CEP135: variants seen among roughly 807,000 people sequenced by gnomAD.
CEP135 encodes centrosomal protein of 135 kDa.
CEP135 carries 142 observed loss-of-function variants against 157.3 expected under a neutral mutation model. The observed-to-expected ratio is 0.90, with a 90% CI of 0.79 to 1.04. CEP135 has a LOEUF of 1.04. Among genes scored for constraint, CEP135 ranks in the 50% least tolerant of loss-of-function variants. CEP135 has a pLI of 0.00. For synonymous variants in CEP135, 396 were observed against 439.8 expected, an observed-to-expected ratio of 0.90 and a Z score of 1.25; for missense variants, 1,317 against 1,309.2, an observed-to-expected ratio of 1.01 and a Z score of -0.09.
rs745627968 is a variant in CEP135 at position 55,980,112 on chromosome 4, G to T, written c.1474-31G>T. 3.2e-6 allele frequency: 5 copies of T among 1,554,630 alleles called. No individual in the cohort carries two copies. In the Admixed American group the frequency reaches 5.4e-5, roughly 17 times the overall value. On this transcript the variant is annotated intron_variant, in intron 11 of 25. Transcript: ENST00000257287. ...ATCCTTGTGACAACCATGTGGTGAT[G>T]ATTATATTTTGTTTTTTAATTATGT...
chr4:55,950,222 C>T (rs1728319695), intron 1 of CEP135, among the ~76,000 whole-genome samples: 1 of 152,144 alleles, frequency 6.6e-6, no homozygotes, highest in Non-Finnish European at 1.5e-5. Context: ...GATGACTGCC[C>T]ACCTACTTTG....
At chr4:56,025,565 C>T (rs892834041) in intron 25 of CEP135, among the ~76,000 whole-genome samples, 1 of 152,036 alleles carries the variant, frequency 6.6e-6, no homozygotes, top group South Asian at 2.1e-4. Flanking sequence ...AGATTGTGGA[C>T]TTTATTCTGT....
chr4:56,033,295 G>T lies in CEP135; in HGVS notation c.*1947G>T, dbSNP rs748641377. ...GTTCTGACCTTTTATAGATGTTTTT[G>T]ATTTTGTTTTAAATAATTTTAAATT... On this transcript the variant is annotated 3_prime_UTR_variant, in exon 26 of 26. Transcript: ENST00000257287. The T allele has an allele frequency of 6.6e-6, 1 of 151,836 alleles. No homozygotes were observed. The highest frequency in any genetic ancestry group is 1.5e-5 in the Non-Finnish European group (1 of 67,894). 9.4% of individuals were successfully genotyped at this position (151,836 alleles called of 1,614,324 possible).
At position 56,018,100 on chromosome 4, in the gene CEP135, A is replaced by C. The variant is rs770287484; in HGVS notation, c.3012+243A>C. Among the ~76,000 whole-genome samples, 22 of 152,032 alleles carry C rather than the reference A, an allele frequency of 1.4e-4. No homozygotes were observed. In the South Asian group the frequency reaches 3.3e-3, roughly 23 times the overall value. On this transcript the variant is annotated intron_variant, in intron 22 of 25. Transcript: ENST00000257287. ...CTCAGGCATCTCAGGATGCCTCAGC[A>C]TCCTGAGTAACTGGGATTGCAGGCA...
chr4:55,987,749 A>G (rs147401472), intron 14 of CEP135, among the ~76,000 whole-genome samples: 313 of 152,334 alleles, frequency 2.1e-3, no homozygotes, highest in African/African-American at 7.3e-3. Context: ...AAGTACTAGA[A>G]GTCATTGGAA....
At chr4:55,985,150 T>C (rs763160257) in intron 13 of CEP135, 131 bp from the exon 14 acceptor site, 4 of 468,678 alleles carry the variant, frequency 8.5e-6, no homozygotes, top group Non-Finnish European at 1.6e-5. Flanking sequence ...TGATTTTCTT[T>C]CTAAAACATT....
Position 55,991,954 on chromosome 4 carries a change from A to AT in CEP135, c.1880dup (p.Leu627PhefsTer4). 1.3e-6 allele frequency: 2 copies of AT among 1,502,386 alleles called. No individual in the cohort carries two copies. The allele number at this position is 1,502,386 out of a possible 1,614,324, so 93.1% of individuals were successfully genotyped here. Reference sequence around the variant, plus strand: ...TATAGCTTGAAAGCGAAAAATATGAATTAAAGTCTAAAGTGTTAATAATGA... The same window carrying AT: ...TATAGCTTGAAAGCGAAAAATATGAATTTAAAGTCTAAAGTGTTAATAATGA... On this transcript the variant is annotated frameshift_variant, in exon 15 of 26. Coordinates refer to ENST00000257287, the MANE Select transcript of CEP135 (RefSeq NM_025009.5). LOFTEE classifies it high-confidence loss of function.
chr4:56,011,478 T>C lies in CEP135; in HGVS notation c.2572T>C (p.Tyr858His). 3 of 1,611,636 alleles carry C rather than the reference T, an allele frequency of 1.9e-6. No individual in the cohort carries two copies. Among genetic ancestry groups the C allele is most frequent in the Non-Finnish European group, 2.5e-6 (3 of 1,179,430 alleles). ...KEEMKSRVHKYITEVSRWESL... is the reference protein window; with the variant it reads ...KEEMKSRVHKHITEVSRWESL... Reference sequence around the variant, plus strand: ...AGAAATGAAGAGCAGAGTTCATAAATACATAACAGAGGTGTCACGATGGGA... The same window carrying C: ...AGAAATGAAGAGCAGAGTTCATAAACACATAACAGAGGTGTCACGATGGGA... Residue 858 changes from tyrosine to histidine, a missense_variant, in exon 20 of 26, where the codon TAC (tyrosine) becomes CAC (histidine). Tyr to His is a moderately conservative substitution (Grantham distance 83). Coordinates refer to ENST00000257287, the MANE Select transcript of CEP135 (RefSeq NM_025009.5).
At chr4:56,006,228 A>G (rs1287085980) in intron 17 of CEP135, among the ~76,000 whole-genome samples, 1 of 151,768 alleles carries the variant, frequency 6.6e-6, no homozygotes, top group South Asian at 2.1e-4. Context: ...TAGGTTTTGT[A>G]TTTTTCTATA....
At chr4:55,981,406 G>T in intron 13 of CEP135, 27 bp downstream of exon 13, 1 of 1,547,412 alleles carries the variant, frequency 6.5e-7, no homozygotes, top group Non-Finnish European at 8.7e-7. Context: ...GTTTTTGAAA[G>T]GTAATTTGTT....
rs150254495 is a variant in CEP135 at position 55,999,579 on chromosome 4, T to C, written c.2214T>C (p.Phe738=). 1.1e-5 allele frequency: 18 copies of C among 1,610,954 alleles called. No individual in the cohort carries two copies. Among genetic ancestry groups the C allele is most frequent in the Non-Finnish European group, 1.4e-5 (17 of 1,179,414 alleles). The stretch of plus-strand genomic sequence containing the variant: ...GTGTTATTGATAAAGAAAAAGACTT[T>C]CTCCAGGAGACTGTAGATGAGAAGA... ...TIGVIDKEKD[F]LQETVDEKTE... Residue 738 remains phenylalanine (F), a synonymous_variant, in exon 17 of 26, where the codon TTT becomes TTC. Coordinates refer to ENST00000257287, the MANE Select transcript of CEP135 (RefSeq NM_025009.5).
intron 15 of CEP135, among the ~76,000 whole-genome samples, chr4:55,995,988 C>T (rs1729957315): frequency 6.6e-6 from 1 of 152,132 alleles, no homozygotes; most frequent in Non-Finnish European, 1.5e-5. Flanking sequence ...AGCAGATTTT[C>T]CTGGAAATGA....
intron 4 of CEP135, among the ~76,000 whole-genome samples, chr4:55,956,240 A>G (rs1318138486): frequency 6.6e-6 from 1 of 152,176 alleles, no homozygotes; most frequent in Non-Finnish European, 1.5e-5. Flanking sequence ...TAGAATTCTA[A>G]TGAGACAAAA....
chr4:55,956,985 T>C (rs1030872072), intron 4 of CEP135, among the ~76,000 whole-genome samples: 2 of 152,180 alleles, frequency 1.3e-5, no homozygotes, highest in African/African-American at 4.8e-5. Context: ...TGGGCATATA[T>C]GCCAAGCTTG....
chr4:56,011,419 C>A lies in CEP135; in HGVS notation c.2513C>A (p.Ser838Ter). The change falls in exon 20 of 26, where the codon TCA (serine) becomes TAA (stop). Residue 838 changes from serine (S) to a stop codon, truncating the protein, a stop_gained. Transcript: ENST00000257287. LOFTEE classifies it high-confidence loss of function. ...TAATTTTCTGATTTGTAGGAAATCT[C>A]ATTGGAATTGGAAGCAGCAGTGCAA... ...ATMARENQEI[S>*]LELEAAVQEK... is the part of the protein sequence containing the mutation. 6.2e-7 allele frequency: 1 copy of A among 1,602,322 alleles called. No individual in the cohort carries two copies. The highest frequency in any genetic ancestry group is 1.1e-5 in the South Asian group (1 of 88,360).
intron 24 of CEP135, among the ~76,000 whole-genome samples, chr4:56,021,072 T>A (rs941214067): frequency 6.6e-6 from 1 of 152,174 alleles, no homozygotes; most frequent in Non-Finnish European, 1.5e-5. Flanking sequence ...TGGATAAATA[T>A]TTCCTATAGC....
At chr4:55,975,068 G>A in intron 11 of CEP135, 99 bp downstream of exon 11, 1 of 834,668 alleles carries the variant, frequency 1.2e-6, no homozygotes, top group South Asian at 2.1e-5. Context: ...TACTTGCTTT[G>A]AAAAATCCTG....
Position 56,009,751 on chromosome 4 carries a change from T to C in CEP135, c.2353T>C (p.Leu785=), listed in dbSNP as rs1730500773. 1.2e-6 allele frequency: 2 copies of C among 1,602,840 alleles called. No homozygotes were observed. Among genetic ancestry groups the C allele is most frequent in the Non-Finnish European group, 1.7e-6 (2 of 1,177,438 alleles). Residue 785 remains leucine (L), a synonymous_variant, in exon 19 of 26, where the codon TTG becomes CTG. Transcript: ENST00000257287. ...ATTTAACAGCCAGCTGAAAGAAACA[T>C]TGGTTAATCGAGATCGTGAGATAAA... ...ESSVNQLKET[L]VNRDREINSL...
chr4:55,970,746 G>A (rs1405792197), intron 9 of CEP135, among the ~76,000 whole-genome samples: 4 of 152,116 alleles, frequency 2.6e-5, no homozygotes, highest in African/African-American at 9.7e-5. Context: ...TGATAATATT[G>A]ATAGCTAACA....
Sources: allele counts gnomAD v4.1 joint callset (sites outside exome capture counted in the v4.1 genomes callset), GRCh38; gene constraint gnomAD v4.1.1; transcripts MANE v1.5; gene names NCBI Gene and HGNC (gene_info 2026-07-23, HGNC 2026-07-21).